SELP: variants seen among roughly 807,000 people sequenced by gnomAD.
The protein encoded by SELP is P-selectin.
In SELP, 92 loss-of-function variants were observed where a neutral mutation model predicts 104.1. That is an observed-to-expected ratio of 0.88 (90% confidence interval 0.75 to 1.05). SELP has a LOEUF of 1.05. SELP is among the 50% of genes least tolerant of loss of function. The pLI is 0.00. For missense variants in SELP, 1,022 were observed against 1,017.3 expected (o/e 1.00, Z -0.06); for synonymous variants, 397 against 364.5 (o/e 1.09, Z -1.01).
chr1:169,612,177 G>A (rs780313885), intron 6 of SELP, 40 bp downstream of exon 6: 2 of 1,594,556 alleles, frequency 1.3e-6, no homozygotes, highest in Admixed American at 1.7e-5. Flanking sequence ...TAAGGACTGG[G>A]TGCAATGGAC....
intron 9 of SELP, among the ~76,000 whole-genome samples, chr1:169,604,301 TG>T (rs1662074248): frequency 6.6e-6 from 1 of 152,242 alleles, no homozygotes; most frequent in South Asian, 2.1e-4. Flanking sequence ...TGGGGTTGTT[TG>T]TTTTTTTCTT....
At chr1:169,612,427 T>C (rs1390375051) in intron 5 of SELP, 25 bp from the exon 6 acceptor site, 4 of 1,608,872 alleles carry the variant, frequency 2.5e-6, no homozygotes, top group African/African-American at 1.3e-5. Flanking sequence ...AGAATAATAG[T>C]GTGAGTCCTT....
At chr1:169,617,558 T>A (rs1027226008) in intron 2 of SELP, 144 bp from the exon 3 acceptor site, 1 of 831,556 alleles carries the variant, frequency 1.2e-6, no homozygotes, top group African/African-American at 1.7e-5. Context: ...TCTAATGTAG[T>A]TGTTTGAAGG....
chr1:169,590,090 C>G, intron 16 of SELP, 57 bp downstream of exon 16: 2 of 1,177,120 alleles, frequency 1.7e-6, no homozygotes, highest in Non-Finnish European at 2.5e-6. Context: ...GCTTTATAGT[C>G]TTCCATTTTT....
intron 1 of SELP, among the ~76,000 whole-genome samples, chr1:169,620,834 T>TGTG (rs1663069020): frequency 8.1e-6 from 1 of 123,264 alleles, no homozygotes; most frequent in Non-Finnish European, 1.7e-5. Flanking sequence ...TGTGTATGTG[T>TGTG]CATGCCACAG....
intron 1 of SELP, among the ~76,000 whole-genome samples, chr1:169,623,538 A>C (rs781427877): frequency 2.6e-5 from 4 of 152,226 alleles, no homozygotes; most frequent in Admixed American, 6.5e-5. Context: ...ACACAAGATA[A>C]AACAAAGTGA....
chr1:169,589,797 C>T (rs3917854), intron 16 of SELP, among the ~76,000 whole-genome samples: 37,903 of 152,078 alleles, frequency 0.25, 5,483 homozygotes, highest in South Asian at 0.35. Context: ...AGGGAATTGA[C>T]TCCATAACAG....
intron 3 of SELP, 41 bp from the exon 4 acceptor site, chr1:169,613,734 G>C: frequency 6.5e-7 from 1 of 1,542,448 alleles, no homozygotes; most frequent in South Asian, 1.1e-5. Context: ...GACATTCACA[G>C]ATGTGAGGAA....
At chr1:169,622,982 G>A (rs896074850) in intron 1 of SELP, among the ~76,000 whole-genome samples, 8 of 152,226 alleles carry the variant, frequency 5.3e-5, no homozygotes, top group African/African-American at 1.9e-4. Context: ...TCTAATTTTT[G>A]TAATACACTG....
chr1:169,591,992 G>A (rs1023390125), intron 14 of SELP, among the ~76,000 whole-genome samples: 1 of 152,230 alleles, frequency 6.6e-6, no homozygotes, highest in Non-Finnish European at 1.5e-5. Context: ...TAAAAATATT[G>A]GGGCATGAGT....
At chr1:169,626,277 A>G (rs989352852) in intron 1 of SELP, among the ~76,000 whole-genome samples, 3 of 152,148 alleles carry the variant, frequency 2.0e-5, no homozygotes, top group Non-Finnish European at 4.4e-5. Flanking sequence ...ATTTTATTCT[A>G]AGTGCAATGA....
In SELP at chr1:169,603,010, C is replaced by T. The variant is rs1661981549; in HGVS notation, c.1705+16G>A. Reference sequence around the variant, plus strand: ...TCATCTTTAAAGCCATAAGAAAGGACAGACCCACAGCCTACCTTCACACAT... The same window carrying T: ...TCATCTTTAAAGCCATAAGAAAGGATAGACCCACAGCCTACCTTCACACAT... On this transcript the variant is annotated intron_variant, in intron 10 of 16. Coordinates refer to ENST00000263686, the MANE Select transcript of SELP (RefSeq NM_003005.4). The T allele has an allele frequency of 6.3e-7, 1 of 1,599,342 alleles. No individual in the cohort carries two copies. Among genetic ancestry groups the T allele is most frequent in the Non-Finnish European group, 8.5e-7 (1 of 1,169,626 alleles).
rs1662811118 is a variant in SELP at position 169,616,371 on chromosome 1, TGTGAAACTGGC to T, written c.481+646_481+656del. ...ACACCAACTTTGGAATCAACATGAG[TGTGAAACTGGC>T]TCCACCATCAACTAGCTTAGAACCC... On this transcript the variant is annotated intron_variant, in intron 3 of 16. Transcript: ENST00000263686. 2.0e-5 allele frequency among the ~76,000 whole-genome samples: 3 copies of T among 152,260 alleles called. No homozygotes were observed. The South Asian group carries it at 6.2e-4, about 32-fold the overall frequency.
At chr1:169,603,478 A>G (rs538525067) in intron 9 of SELP, among the ~76,000 whole-genome samples, 1 of 152,250 alleles carries the variant, frequency 6.6e-6, no homozygotes, top group East Asian at 1.9e-4. Context: ...TGAAGTGCTC[A>G]ATCACAAACA....
chr1:169,624,190 T>G (rs925382614), intron 1 of SELP, among the ~76,000 whole-genome samples: 19 of 152,160 alleles, frequency 1.2e-4, no homozygotes, highest in Admixed American at 3.9e-4. Flanking sequence ...CTGCTTGGGG[T>G]GGGCAGGCCT....
At chr1:169,617,448 C>A (rs555168008) in intron 2 of SELP, 34 bp from the exon 3 acceptor site, 4 of 1,589,658 alleles carry the variant, frequency 2.5e-6, no homozygotes, top group African/African-American at 1.4e-5. Flanking sequence ...CAGGTTAGTA[C>A]CCCTCACCAA....
chr1:169,622,682 A>G (rs1663193701), intron 1 of SELP, among the ~76,000 whole-genome samples: 1 of 152,190 alleles, frequency 6.6e-6, no homozygotes, highest in South Asian at 2.1e-4. Flanking sequence ...GAAAAGAAAA[A>G]CATTTTAACA....
chr1:169,593,642 C>G lies in SELP; in HGVS notation c.2370G>C (p.Thr790=). ...AACGCTTTCTTAGCAAAGCCAGGAG[C>G]GTCCCACCCATTATCAGACCTATCG... ...ASTIGLIMGG[T]LLALLRKRFR... The change falls in exon 14 of 17, where the codon ACG becomes ACC. Residue 790 remains threonine, a synonymous_variant. Transcript: ENST00000263686. 6.2e-7 allele frequency: 1 copy of G among 1,613,254 alleles called. No homozygotes were observed. The highest frequency in any genetic ancestry group is 1.3e-5 in the African/African-American group (1 of 74,988).
At chr1:169,600,440 T>G (rs74527409) in intron 10 of SELP, among the ~76,000 whole-genome samples, 8,294 of 152,246 alleles carry the variant, frequency 0.054, 318 homozygotes, top group Middle Eastern at 0.092. Context: ...ATCTGGGGAT[T>G]CTGGTATCTG....
Sources: gnomAD v4.1 joint callset for allele counts (sites outside exome capture counted in the v4.1 genomes callset) on GRCh38, gnomAD v4.1.1 for gene constraint, MANE v1.5 for transcripts, NCBI Gene and HGNC (gene_info 2026-07-23, HGNC 2026-07-21) for gene names.